The following DMRTB1 variants were observed in gnomAD, a reference collection of about 807,000 sequenced individuals.
DMRTB1 encodes doublesex- and mab-3-related transcription factor B1.
DMRTB1 carries 9 observed loss-of-function variants against 25.2 expected under a neutral mutation model. That is an observed-to-expected ratio of 0.36 (90% CI 0.22 to 0.62). The LOEUF (loss-of-function observed/expected upper bound fraction) is 0.62, where lower values mean the gene tolerates loss of function less well. Ranked by LOEUF, DMRTB1 falls within the 20% of genes least tolerant of loss-of-function variation. The probability of loss-of-function intolerance (pLI) is 0.71; values close to 1 mark genes in which losing one functional copy is unlikely to be tolerated. For synonymous variants in DMRTB1, 269 were observed against 238.1 expected (o/e 1.13, Z -1.20); for missense variants, 551 against 499.3 (o/e 1.10, Z -0.99).
intron 2 of DMRTB1, among the ~76,000 whole-genome samples, chr1:53,464,184 C>T (rs1230665818): frequency 1.3e-5 from 2 of 152,198 alleles, no homozygotes; most frequent in South Asian, 2.1e-4. Context: ...TGCAGAGCAG[C>T]GCTGGACAGA....
At chr1:53,466,467 G>T (rs1644050856) in intron 3 of DMRTB1, 128 bp from the exon 4 acceptor site, 2 of 903,406 alleles carry the variant, frequency 2.2e-6, no homozygotes, top group Admixed American at 4.1e-5. Context: ...CTCCAGCCTG[G>T]GTGACAGAGC....
intron 2 of DMRTB1, among the ~76,000 whole-genome samples, chr1:53,462,571 C>G (rs1644028182): frequency 6.6e-6 from 1 of 152,206 alleles, no homozygotes; most frequent in South Asian, 2.1e-4. Context: ...AGCCACTGGC[C>G]TTGATAATTC....
intron 2 of DMRTB1, 97 bp downstream of exon 2, chr1:53,461,742 C>T: frequency 7.1e-7 from 1 of 1,401,114 alleles, no homozygotes. Context: ...CTGTCATAAA[C>T]TGTGCCCACG....
At chr1:53,465,099 G>A (rs1480081418) in intron 3 of DMRTB1, among the ~76,000 whole-genome samples, 1 of 152,228 alleles carries the variant, frequency 6.6e-6, no homozygotes, top group East Asian at 1.9e-4. Context: ...AAATGGCAGA[G>A]CTGGGATTTG....
In DMRTB1 at chr1:53,459,436, C is replaced by G. The variant is rs1644003896; in HGVS notation, c.-18C>G. 6.2e-7 allele frequency: 1 copy of G among 1,612,802 alleles called. No individual in the cohort carries two copies. Among genetic ancestry groups the G allele is most frequent in the South Asian group, 1.1e-5 (1 of 91,054 alleles). ...GCTCCCAGAGGTGGTGGTTGTGTTA[C>G]GAAGGCTGACCCTGCCAATGGCCGA... is the stretch of plus-strand genomic sequence containing the variant. On this transcript the variant is annotated 5_prime_UTR_variant, in exon 1 of 4. Transcript: ENST00000371445.
chr1:53,461,166 G>A (rs1371517303), intron 1 of DMRTB1, among the ~76,000 whole-genome samples: 2 of 152,100 alleles, frequency 1.3e-5, no homozygotes, highest in South Asian at 2.1e-4. Context: ...ACTGTGACCC[G>A]GAGGAGGAGG....
At chr1:53,461,847 C>T (rs1177982187) in intron 2 of DMRTB1, among the ~76,000 whole-genome samples, 6 of 152,206 alleles carry the variant, frequency 3.9e-5, no homozygotes, top group Admixed American at 2.0e-4. Context: ...GTCTGCACCA[C>T]TCGGCTTGGG....
At chr1:53,460,057 C>A in intron 1 of DMRTB1, 27 bp downstream of exon 1, 1 of 1,532,660 alleles carries the variant, frequency 6.5e-7, no homozygotes, top group East Asian at 2.5e-5. Context: ...GTCCCGCGGT[C>A]GACTCCCGGA....
intron 2 of DMRTB1, among the ~76,000 whole-genome samples, chr1:53,462,204 C>T (rs1004813423): frequency 1.1e-4 from 17 of 152,198 alleles, no homozygotes; most frequent in Admixed American, 6.5e-5. Context: ...AAAGGTCAGT[C>T]GTTAGCTGGT....
intron 3 of DMRTB1, among the ~76,000 whole-genome samples, chr1:53,466,068 A>T (rs1644048460): frequency 6.6e-6 from 1 of 152,256 alleles, no homozygotes; most frequent in Non-Finnish European, 1.5e-5. Flanking sequence ...TGTGACGAGC[A>T]GAGCAAGAGC....
rs779656626 is a variant in DMRTB1 at position 53,461,630 on chromosome 1, C to T, written c.735C>T (p.Tyr245=). The change falls in exon 2 of 4, where the codon TAC becomes TAT. Residue 245 remains tyrosine, a synonymous_variant. Transcript: ENST00000371445. ...QGFRHVSRSQ[Y]QGGGLVSEPG... The stretch of plus-strand genomic sequence containing the variant: ...TCCGGCATGTGTCCCGCAGCCAGTA[C>T]CAAGGCGGAGGCTTGGTGAGTCCCA... 1.9e-6 allele frequency: 3 copies of T among 1,598,956 alleles called. No individual in the cohort carries two copies. In the South Asian group the frequency reaches 3.4e-5, roughly 18 times the overall value.
chr1:53,459,418 G>A lies in DMRTB1; in HGVS notation c.-36G>A. 1.2e-6 allele frequency: 2 copies of A among 1,612,538 alleles called. No individual in the cohort carries two copies. Among genetic ancestry groups the A allele is most frequent in the Non-Finnish European group, 1.7e-6 (2 of 1,179,822 alleles). ...AGCGCCACTTGCTCTGCAGCTCCCA[G>A]AGGTGGTGGTTGTGTTACGAAGGCT... On this transcript the variant is annotated 5_prime_UTR_variant, in exon 1 of 4. Transcript: ENST00000371445.
intron 2 of DMRTB1, among the ~76,000 whole-genome samples, chr1:53,461,952 C>T (rs1016272413): frequency 1.5e-4 from 23 of 152,112 alleles, no homozygotes; most frequent in Admixed American, 2.0e-4. Flanking sequence ...AAGGGCCCTT[C>T]ATTTTGCTGG....
intron 3 of DMRTB1, among the ~76,000 whole-genome samples, chr1:53,465,161 T>C (rs75152988): frequency 0.019 from 2,954 of 152,326 alleles, 104 homozygotes; most frequent in African/African-American, 0.068. Context: ...ACTCACCTTA[T>C]TGGCTCGTGG....
chr1:53,460,435 G>C (rs571803963), intron 1 of DMRTB1: 64 of 164,272 alleles, frequency 3.9e-4, no homozygotes, highest in African/African-American at 1.4e-3. Context: ...TTTTCCTGCC[G>C]GCACGTTAGC....
At position 53,464,689 on chromosome 1, in the gene DMRTB1, C is replaced by CGCCGCCACT. The variant is rs1169716539; in HGVS notation, c.810_818dup (p.Leu277_Pro279dup). On this transcript the variant is annotated inframe_insertion, in exon 3 of 4. Transcript: ENST00000371445. ...CCAAGCTACTACCTGCCGCCGCCGC[C>CGCCGCCACT]GCCGCCACTGCCGCCCCTTCCACCG... 2 of 1,613,298 alleles carry CGCCGCCACT rather than the reference C, an allele frequency of 1.2e-6. No homozygotes were observed. Among genetic ancestry groups the CGCCGCCACT allele is most frequent in the African/African-American group, 1.3e-5 (1 of 74,898 alleles).
In DMRTB1 at chr1:53,464,999, T is replaced by TC. The variant is rs544399051; in HGVS notation, c.961+154dup. The TC allele has an allele frequency of 7.4e-4, 782 of 1,056,322 alleles. 2 individuals carry two copies. Among genetic ancestry groups the TC allele is most frequent in the Non-Finnish European group, 1.0e-3 (736 of 708,280 alleles). 65.4% of individuals were successfully genotyped at this position (1,056,322 alleles called of 1,614,324 possible). On this transcript the variant is annotated intron_variant, in intron 3 of 3. Transcript: ENST00000371445. ...TAGAATGAGCTCCTTCTTACACCCT[T>TC]CCTCCAGTCCCCATAGGCACACATC... is the stretch of plus-strand genomic sequence containing the variant.
In DMRTB1 at chr1:53,464,668, G is replaced by T. The variant is rs149517536; in HGVS notation, c.782G>T (p.Ser261Ile). The T allele has an allele frequency of 6.0e-4, 962 of 1,613,698 alleles. No individual in the cohort carries two copies. The highest frequency in any genetic ancestry group is 7.7e-4 in the Non-Finnish European group (913 of 1,180,004). ...GAACCAGGAGGAGACTTCCAGCCAA[G>T]CTACTACCTGCCGCCGCCGCCGCCG... ...VSEPGGDFQP[S>I]YYLPPPPPPL... The change falls in exon 3 of 4, where the codon AGC becomes ATC. Residue 261 changes from serine to isoleucine, a missense_variant. By Grantham distance (142) the Ser-to-Ile change is moderately radical (BLOSUM62 -2). Coordinates refer to ENST00000371445, the MANE Select transcript of DMRTB1 (RefSeq NM_033067.3).
At position 53,467,259 on chromosome 1, in the gene DMRTB1, C is replaced by G. The variant is rs1052862058; in HGVS notation, c.*597C>G. 6.5e-6 allele frequency: 1 copy of G among 152,834 alleles called. No homozygotes were observed. The highest frequency in any genetic ancestry group is 2.4e-5 in the African/African-American group (1 of 41,476). 9.5% of individuals were successfully genotyped at this position (152,834 alleles called of 1,614,324 possible). Reference sequence around the variant, plus strand: ...CTAGCAAGCATCCTGGCTGCTGGGGCTACTTCATTCCCCCTCCATAAAGTT... The same window carrying G: ...CTAGCAAGCATCCTGGCTGCTGGGGGTACTTCATTCCCCCTCCATAAAGTT... On this transcript the variant is annotated 3_prime_UTR_variant, in exon 4 of 4. Transcript: ENST00000371445.
Sources: gnomAD v4.1 joint callset for allele counts (sites outside exome capture counted in the v4.1 genomes callset) on GRCh38, gnomAD v4.1.1 for gene constraint, MANE v1.5 for transcripts, NCBI Gene and HGNC (gene_info 2026-07-23, HGNC 2026-07-21) for gene names.